The following PCDH11X variants were observed in gnomAD, a reference collection of about 807,000 sequenced individuals.
PCDH11X encodes protocadherin-11 X-linked.
In PCDH11X, 18 loss-of-function variants were observed where a neutral mutation model predicts 53.3. The ratio of observed to expected loss-of-function variants is 0.34; its 90% CI spans 0.23 to 0.50. The LOEUF (loss-of-function observed/expected upper bound fraction) is 0.50, where lower values mean the gene tolerates loss of function less well. Among genes scored for constraint, PCDH11X ranks in the 20% least tolerant of loss-of-function variants. The pLI, the probability that PCDH11X is intolerant of heterozygous loss-of-function variation, is 0.98. For synonymous variants in PCDH11X, 279 were observed against 393.3 expected (o/e 0.71, Z 3.44); for missense variants, 570 against 1,032.4 (o/e 0.55, Z 6.14).
chrX:91,840,844 A>G (rs950383313), intron 5 of PCDH11X, among the ~76,000 whole-genome samples: 2 of 108,801 alleles, frequency 1.8e-5, no homozygotes, highest in East Asian at 5.7e-4. Context: ...AACAATGAGT[A>G]TAACAATTTT....
At chrX:92,000,117 T>C (rs2062485352) in intron 6 of PCDH11X, among the ~76,000 whole-genome samples, 2 of 111,446 alleles carry the variant, frequency 1.8e-5, no homozygotes, top group South Asian at 3.8e-4. Flanking sequence ...GGCTGGATCA[T>C]ACAAAGCCTA....
At chrX:92,358,991 GTATC>G (rs2148536986) in intron 8 of PCDH11X, among the ~76,000 whole-genome samples, 1 of 108,741 alleles carries the variant, frequency 9.2e-6, no homozygotes, top group Non-Finnish European at 1.9e-5. Context: ...TCAGAAGGCA[GTATC>G]TATAGTGTAC....
intron 6 of PCDH11X, among the ~76,000 whole-genome samples, chrX:91,907,443 G>GAGT (rs1941223447): frequency 4.2e-5 from 1 of 23,727 alleles, no homozygotes; most frequent in African/African-American, 1.6e-4. Context: ...AGAGAGAGAG[G>GAGT]CTGACATAAA....
intron 10 of PCDH11X, among the ~76,000 whole-genome samples, chrX:92,556,951 C>A (rs2075055387): frequency 9.4e-6 from 1 of 106,088 alleles, no homozygotes; most frequent in South Asian, 4.4e-4. Flanking sequence ...GAAAGCCCAA[C>A]ACCATGTATA....
chrX:92,473,549 T>C (rs2073313519), intron 10 of PCDH11X, among the ~76,000 whole-genome samples: 1 of 111,716 alleles, frequency 9.0e-6, no homozygotes, highest in African/African-American at 3.3e-5. Context: ...GTTGTTTACT[T>C]GAAGTTTTTC....
intron 6 of PCDH11X, among the ~76,000 whole-genome samples, chrX:91,980,395 T>G (rs772796424): frequency 0.01 from 1,027 of 101,609 alleles, 16 homozygotes; most frequent in African/African-American, 0.035. Context: ...TCTTTCTAGC[T>G]CTGTATCTTT....
At chrX:91,862,467 TTTTA>T (rs1432746467) in intron 5 of PCDH11X, among the ~76,000 whole-genome samples, 1 of 108,768 alleles carries the variant, frequency 9.2e-6, no homozygotes, top group Non-Finnish European at 1.9e-5. Flanking sequence ...TCATTTCTGA[TTTTA>T]TTTATTTATA....
intron 9 of PCDH11X, chrX:92,459,976 A>G: frequency 8.8e-7 from 1 of 1,141,741 alleles, no homozygotes; most frequent in Non-Finnish European, 1.2e-6. Context: ...GGAGACTGAG[A>G]ACCGTAGGCT....
chrX:92,407,110 T>C (rs1282812584), intron 9 of PCDH11X, among the ~76,000 whole-genome samples: 1 of 104,112 alleles, frequency 9.6e-6, no homozygotes, highest in Non-Finnish European at 2.0e-5. Flanking sequence ...GGTGTAGTCA[T>C]GTACAGACCT....
chrX:92,415,985 A>G (rs886300245), intron 9 of PCDH11X, among the ~76,000 whole-genome samples: 6 of 111,782 alleles, frequency 5.4e-5, no homozygotes, highest in Admixed American at 2.8e-4. Context: ...TTGCCTTAAT[A>G]TGTGTTTATT....
rs774606325 is a variant in PCDH11X, at chrX:92,488,257, A to AT, written c.3367+19937dup. ...GAAAGTTTTGTTCAGTGTCTTGAGA[A>AT]TTAACAAATATTTATTTTTCTAGAA... On this transcript the variant is annotated intron_variant, in intron 10 of 10. Transcript: ENST00000682573. Among the ~76,000 whole-genome samples, 6 of 110,810 alleles carry AT rather than the reference A, an allele frequency of 5.4e-5. No homozygotes were observed. In the East Asian group the frequency reaches 1.7e-3, roughly 32 times the overall value.
intron 6 of PCDH11X, among the ~76,000 whole-genome samples, chrX:92,141,932 T>A (rs1037784009): frequency 9.0e-6 from 1 of 111,471 alleles, no homozygotes; most frequent in African/African-American, 3.3e-5. Context: ...CAAAGTTCTG[T>A]ATCATTGTTG....
At chrX:92,607,024 A>G (rs1233863546) in intron 10 of PCDH11X, among the ~76,000 whole-genome samples, 1 of 111,360 alleles carries the variant, frequency 9.0e-6, no homozygotes, top group Admixed American at 9.6e-5. Context: ...ATAATAACGA[A>G]TGTTGGTAAG....
At chrX:92,219,190 T>C (rs2066802795) in intron 7 of PCDH11X, among the ~76,000 whole-genome samples, 1 of 110,816 alleles carries the variant, frequency 9.0e-6, no homozygotes, top group Admixed American at 9.7e-5. Context: ...TTGGAAGTTC[T>C]GGCTAGGGCA....
intron 4 of PCDH11X, among the ~76,000 whole-genome samples, chrX:91,816,641 G>C (rs2147571394): frequency 9.0e-6 from 1 of 111,345 alleles, no homozygotes; most frequent in East Asian, 2.8e-4. Context: ...GAAATATGAG[G>C]AAATTTGTGA....
At chrX:92,453,796 G>A (rs1293690138) in intron 9 of PCDH11X, among the ~76,000 whole-genome samples, 2 of 111,126 alleles carry the variant, frequency 1.8e-5, no homozygotes, top group African/African-American at 6.5e-5. Flanking sequence ...GCAGGTATTT[G>A]CGAATCAGGT....
intron 10 of PCDH11X, among the ~76,000 whole-genome samples, chrX:92,545,886 C>CA (rs1202013343): frequency 1.0e-4 from 11 of 108,298 alleles, no homozygotes; most frequent in African/African-American, 3.6e-4. Flanking sequence ...CACTTAATCC[C>CA]TTTGGTTTAC....
At chrX:91,907,442 G>GAGAGAGAGA (rs1569436527) in intron 6 of PCDH11X, among the ~76,000 whole-genome samples, 14 of 92,052 alleles carry the variant, frequency 1.5e-4, no homozygotes, top group African/African-American at 4.0e-4. Flanking sequence ...GAGAGAGAGA[G>GAGAGAGAGA]GCTGACATAA....
chrX:92,351,433 G>A (rs1468289176), intron 8 of PCDH11X, among the ~76,000 whole-genome samples: 2 of 111,368 alleles, frequency 1.8e-5, no homozygotes, highest in South Asian at 7.5e-4. Context: ...GGTACATATA[G>A]TAAGTTTTCT....
Sources: gnomAD v4.1 joint callset for allele counts (sites outside exome capture counted in the v4.1 genomes callset) on GRCh38, gnomAD v4.1.1 for gene constraint, MANE v1.5 for transcripts, NCBI Gene and HGNC (gene_info 2026-07-23, HGNC 2026-07-21) for gene names.